The following RIN2 variants were observed in gnomAD, a reference collection of about 807,000 sequenced individuals.
The protein encoded by RIN2 is Ras and Rab interactor 2, also known as RAB5 interacting protein 2.
Under a neutral mutation model 78.0 loss-of-function variants are expected in RIN2, and 36 were observed. The observed-to-expected ratio is 0.46, with a 90% confidence interval of 0.35 to 0.61. The LOEUF is 0.61. Ranked by LOEUF, RIN2 falls within the 20% of genes least tolerant of loss-of-function variation. The probability of loss-of-function intolerance (pLI) is 0.00; values close to 1 mark genes in which losing one functional copy is unlikely to be tolerated. For missense variants in RIN2, 1,087 were observed against 1,159.7 expected (o/e 0.94, Z 0.91); for synonymous variants, 466 against 466.8 (o/e 1.00, Z 0.02).
At chr20:19,832,818 C>T (rs1219144923) in intron 2 of RIN2, among the ~76,000 whole-genome samples, 1 of 152,106 alleles carries the variant, frequency 6.6e-6, no homozygotes. Flanking sequence ...GGCCAACTCA[C>T]CTCCTCAAGC....
chr20:19,979,288 A>T (rs932471782), intron 9 of RIN2, among the ~76,000 whole-genome samples: 5 of 152,242 alleles, frequency 3.3e-5, no homozygotes, highest in African/African-American at 1.2e-4. Context: ...CAGCAGTGAT[A>T]CAAAAGAGCC....
chr20:19,790,375 T>A (rs896604912), intron 1 of RIN2, among the ~76,000 whole-genome samples: 10 of 152,232 alleles, frequency 6.6e-5, no homozygotes, highest in Admixed American at 6.5e-4. Flanking sequence ...CACTTGGCTT[T>A]CATTCTCTAT....
intron 5 of RIN2, among the ~76,000 whole-genome samples, chr20:19,957,746 G>A (rs34556773): frequency 6.6e-6 from 1 of 151,960 alleles, no homozygotes; most frequent in Non-Finnish European, 1.5e-5. Context: ...CCATGTGGCT[G>A]TTTAAATTTA....
rs6112568 is a variant in RIN2 at position 19,770,883 on chromosome 20, C to G, written c.-163+12556C>G. On this transcript the variant is annotated intron_variant, in intron 1 of 12. Transcript: ENST00000255006. Reference sequence around the variant, plus strand: ...CACAAGACTGCCCCCACCCCCCCCCCCCACCTTCCCACTAGGGCCGCAAGT... The same window carrying G: ...CACAAGACTGCCCCCACCCCCCCCCGCCACCTTCCCACTAGGGCCGCAAGT... Among the ~76,000 whole-genome samples the G allele has an allele frequency of 2.8e-5, 4 of 143,930 alleles. No homozygotes were observed. In the East Asian group the frequency reaches 6.2e-4, roughly 22 times the overall value. The allele number at this position is 143,930 out of a possible 152,430, so 94.4% of individuals were successfully genotyped here.
At chr20:19,804,028 G>A (rs547649271) in intron 2 of RIN2, among the ~76,000 whole-genome samples, 8 of 152,252 alleles carry the variant, frequency 5.3e-5, no homozygotes, top group South Asian at 4.2e-4. Flanking sequence ...CAATGCTTGC[G>A]ATTTTCCCAC....
At chr20:19,988,585 G>A (rs745793979) in intron 9 of RIN2, among the ~76,000 whole-genome samples, 24 of 152,168 alleles carry the variant, frequency 1.6e-4, no homozygotes, top group Non-Finnish European at 3.1e-4. Flanking sequence ...TGACAAAGCA[G>A]AGGAGTTATT....
At chr20:19,858,125 T>TAAAA (rs370595938) in intron 2 of RIN2, among the ~76,000 whole-genome samples, 27 of 151,406 alleles carry the variant, frequency 1.8e-4, no homozygotes, top group East Asian at 5.8e-4. Flanking sequence ...TGTCTTTTTT[T>TAAAA]AAAAAAAAAT....
intron 10 of RIN2, 56 bp downstream of exon 10, chr20:19,990,367 G>A: frequency 6.6e-7 from 1 of 1,513,638 alleles, no homozygotes; most frequent in South Asian, 1.3e-5. Context: ...CCGGGGACAG[G>A]CCTCTCTCCT....
intron 3 of RIN2, among the ~76,000 whole-genome samples, chr20:19,912,185 C>T (rs2039498514): frequency 6.6e-6 from 1 of 152,246 alleles, no homozygotes; most frequent in Non-Finnish European, 1.5e-5. Context: ...ACAAGTTTCT[C>T]ATCTGAGTCA....
intron 2 of RIN2, among the ~76,000 whole-genome samples, chr20:19,851,967 G>A (rs2036995150): frequency 6.6e-6 from 1 of 152,136 alleles, no homozygotes; most frequent in Admixed American, 6.5e-5. Flanking sequence ...GGCTCAACTA[G>A]GCTTGGCTGC....
At chr20:19,836,168 C>T (rs1330649969) in intron 2 of RIN2, among the ~76,000 whole-genome samples, 2 of 152,206 alleles carry the variant, frequency 1.3e-5, no homozygotes, top group South Asian at 2.1e-4. Flanking sequence ...TCAGATGCTG[C>T]ACAATCCATG....
chr20:19,810,683 CTTTTTTTTTT>C (rs535994979), intron 2 of RIN2, among the ~76,000 whole-genome samples: 43 of 99,650 alleles, frequency 4.3e-4, no homozygotes, highest in African/African-American at 1.1e-3. Context: ...TTATAAGGTA[CTTTTTTTTTT>C]TTTTTTTTTT....
rs115786768 is a variant in RIN2, at chr20:19,765,863, C to T, written c.-163+7536C>T. Among the ~76,000 whole-genome samples, 783 of 152,134 alleles carry T rather than the reference C, an allele frequency of 5.1e-3. 3 individuals are homozygous for T. Among genetic ancestry groups the T allele is most frequent in the African/African-American group, 0.018 (759 of 41,438 alleles). On this transcript the variant is annotated intron_variant, in intron 1 of 12. Transcript: ENST00000255006. The stretch of plus-strand genomic sequence containing the variant: ...GTTGTTGAAGGAAGGTGACTTCATC[C>T]TCATGGATGGCAAGACCCTTTGGAA...
chr20:19,901,047 G>C (rs1032045147), intron 3 of RIN2, among the ~76,000 whole-genome samples: 3 of 151,776 alleles, frequency 2.0e-5, no homozygotes, highest in Non-Finnish European at 4.4e-5. Flanking sequence ...CTCTCTCCTG[G>C]TGATTCTGAT....
At chr20:19,850,169 C>A (rs1208538289) in intron 2 of RIN2, among the ~76,000 whole-genome samples, 1 of 152,202 alleles carries the variant, frequency 6.6e-6, no homozygotes, top group Non-Finnish European at 1.5e-5. Flanking sequence ...AATTACTTTT[C>A]CCATAAATTA....
Position 19,975,751 on chromosome 20 carries a change from C to T in RIN2, c.1726C>T (p.Pro576Ser), listed in dbSNP as rs777337752. 3.7e-6 allele frequency: 6 copies of T among 1,612,252 alleles called. No homozygotes were observed. Among genetic ancestry groups the T allele is most frequent in the South Asian group, 3.3e-5 (3 of 90,868 alleles). Reference sequence around the variant, plus strand: ...TTTGTCTCAGAGCTCGGAGCTGGACCCCCCCATCGAGTCGCTGATCCCTGA... The same window carrying T: ...TTTGTCTCAGAGCTCGGAGCTGGACTCCCCCATCGAGTCGCTGATCCCTGA... ...NYLSQSSELD[P>S]PIESLIPEDQ... The change falls in exon 9 of 13, where the codon CCC becomes TCC. Residue 576 changes from proline (P) to serine (S), a missense_variant. Pro to Ser is a moderately conservative substitution (Grantham distance 74). Coordinates refer to ENST00000255006, the MANE Select transcript of RIN2 (RefSeq NM_018993.4). The surrounding 1 kb of genome is among the most constrained non-coding windows in gnomAD (Gnocchi z 4.9).
At chr20:19,844,656 T>TCCTC (rs748440873) in intron 2 of RIN2, among the ~76,000 whole-genome samples, 13 of 138,830 alleles carry the variant, frequency 9.4e-5, no homozygotes, top group African/African-American at 3.6e-4. Context: ...TTCTTCTTCT[T>TCCTC]CTTCTTCTTC....
At chr20:19,824,801 T>G (rs1229644070) in intron 2 of RIN2, among the ~76,000 whole-genome samples, 1 of 152,146 alleles carries the variant, frequency 6.6e-6, no homozygotes, top group Non-Finnish European at 1.5e-5. Context: ...AGAAACTCGG[T>G]TAGGTCCCGC....
intron 3 of RIN2, among the ~76,000 whole-genome samples, chr20:19,916,382 AC>A (rs1170298151): frequency 2.6e-5 from 4 of 152,244 alleles, no homozygotes; most frequent in Non-Finnish European, 4.4e-5. Context: ...ACTTTGGGAA[AC>A]CAAAGCGGGA....
Sources: allele counts gnomAD v4.1 joint callset (sites outside exome capture counted in the v4.1 genomes callset), GRCh38; gene constraint gnomAD v4.1.1; non-coding constraint Gnocchi (gnomAD v3.1); transcripts MANE v1.5; gene names NCBI Gene and HGNC (gene_info 2026-07-23, HGNC 2026-07-21).